The following CDH18 variants were observed in gnomAD, a reference collection of about 807,000 sequenced individuals.
CDH18 encodes cadherin 18, also known as cadherin-18.
A neutral mutation model predicts 67.9 loss-of-function variants in CDH18; 31 were observed. The ratio of observed to expected loss-of-function variants is 0.46; its 90% CI spans 0.34 to 0.62. CDH18 has a LOEUF of 0.62. CDH18 is among the 20% of genes least tolerant of loss of function. The probability of loss-of-function intolerance (pLI) is 0.01; values close to 1 mark genes in which losing one functional copy is unlikely to be tolerated. For missense variants in CDH18, 890 were observed against 975.5 expected, an observed-to-expected ratio of 0.91 and a Z score of 1.17; for synonymous variants, 362 against 347.2, an observed-to-expected ratio of 1.04 and a Z score of -0.48.
intron 3 of CDH18, among the ~76,000 whole-genome samples, chr5:19,748,727 A>G (rs1241905555): frequency 1.3e-5 from 2 of 152,194 alleles, no homozygotes; most frequent in African/African-American, 4.8e-5. Context: ...CTGAACTCTC[A>G]GAAGACATTT....
intron 1 of CDH18, among the ~76,000 whole-genome samples, chr5:20,397,882 CAA>C (rs1196650454): frequency 6.6e-6 from 1 of 152,160 alleles, no homozygotes; most frequent in African/African-American, 2.4e-5. Context: ...ACATTTTCAA[CAA>C]AGTGAAATGT....
intron 1 of CDH18, among the ~76,000 whole-genome samples, chr5:20,356,850 TAC>T (rs150094735): frequency 2.4e-4 from 36 of 148,404 alleles, no homozygotes; most frequent in African/African-American, 9.0e-4. Context: ...CACATATATA[TAC>T]ACACACATAC....
In CDH18 at chr5:19,721,340, C is replaced by T. The variant is rs535210030; in HGVS notation, c.643+7G>A. ...CTTGCATGCGAGTTATGTGTAAATGCACTAACCTGTTTTAGGGTCGACGGA... is the reference window on the plus strand; with the variant it reads ...CTTGCATGCGAGTTATGTGTAAATGTACTAACCTGTTTTAGGGTCGACGGA... On this transcript the variant is annotated splice_region_variant and intron_variant, in intron 5 of 12. Transcript: ENST00000382275. 1.0e-5 allele frequency: 16 copies of T among 1,589,154 alleles called. No homozygotes were observed. The African/African-American group carries it at 1.2e-4, about 12-fold the overall frequency.
chr5:19,792,691 C>T (rs1219023796), intron 3 of CDH18, among the ~76,000 whole-genome samples: 1 of 152,084 alleles, frequency 6.6e-6, no homozygotes, highest in African/African-American at 2.4e-5. Flanking sequence ...TGCACCAAAG[C>T]AATCTGACCC....
At chr5:19,856,798 G>T (rs1784334372) in intron 2 of CDH18, among the ~76,000 whole-genome samples, 1 of 152,136 alleles carries the variant, frequency 6.6e-6, no homozygotes, top group Admixed American at 6.6e-5. Flanking sequence ...TTCAAGCACT[G>T]CGAGAAAATA....
intron 1 of CDH18, among the ~76,000 whole-genome samples, chr5:20,307,154 TAGAGAG>T (rs112737059): frequency 0.037 from 5,687 of 152,154 alleles, 263 homozygotes; most frequent in African/African-American, 0.11. Context: ...CATGGCAACT[TAGAGAG>T]AGAGAAAGCC....
chr5:19,648,815 T>G (rs1755163595), intron 5 of CDH18, among the ~76,000 whole-genome samples: 1 of 151,408 alleles, frequency 6.6e-6, no homozygotes, highest in Non-Finnish European at 1.5e-5. Context: ...GTACATTAAA[T>G]TTTGTATATG....
At chr5:19,931,316 T>C (rs910823438) in intron 2 of CDH18, among the ~76,000 whole-genome samples, 1 of 151,990 alleles carries the variant, frequency 6.6e-6, no homozygotes, top group Non-Finnish European at 1.5e-5. Flanking sequence ...CTAACACATA[T>C]CTACAGCTAA....
chr5:20,029,072 A>G (rs955015725), intron 2 of CDH18, among the ~76,000 whole-genome samples: 1 of 152,178 alleles, frequency 6.6e-6, no homozygotes, highest in African/African-American at 2.4e-5. Context: ...TTTTTGTATG[A>G]CAGCCAATTA....
At chr5:20,042,051 A>C (rs1580106582) in intron 2 of CDH18, among the ~76,000 whole-genome samples, 1 of 152,242 alleles carries the variant, frequency 6.6e-6, no homozygotes, top group African/African-American at 2.4e-5. Flanking sequence ...ATATGAGTGA[A>C]GCTGTGAGTT....
chr5:20,015,596 C>G (rs769840660), intron 2 of CDH18, among the ~76,000 whole-genome samples: 1 of 152,100 alleles, frequency 6.6e-6, no homozygotes, highest in Non-Finnish European at 1.5e-5. Flanking sequence ...TTTTTGTACA[C>G]CTATTTAATT....
intron 1 of CDH18, among the ~76,000 whole-genome samples, chr5:20,355,252 C>T (rs112287684): frequency 0.021 from 3,271 of 152,314 alleles, 81 homozygotes; most frequent in African/African-American, 0.056. Flanking sequence ...GGCAGTATGG[C>T]TCTCCCTACA....
At chr5:20,416,868 A>G (rs1483555837) in intron 1 of CDH18, among the ~76,000 whole-genome samples, 2 of 152,268 alleles carry the variant, frequency 1.3e-5, no homozygotes, top group East Asian at 3.9e-4. Context: ...CAGTAAAAAG[A>G]GCCAGATTAT....
intron 6 of CDH18, among the ~76,000 whole-genome samples, chr5:19,596,141 C>T (rs149111544): frequency 0.018 from 2,746 of 152,266 alleles, 50 homozygotes; most frequent in Non-Finnish European, 0.025. Flanking sequence ...TAGAAAATAA[C>T]TTTCATCTCT....
chr5:19,950,511 C>G (rs771698335), intron 2 of CDH18, among the ~76,000 whole-genome samples: 6 of 151,854 alleles, frequency 4.0e-5, no homozygotes, highest in Non-Finnish European at 7.4e-5. Flanking sequence ...TTCTGCAAAA[C>G]CTATTGAAAT....
intron 3 of CDH18, among the ~76,000 whole-genome samples, chr5:19,818,918 C>G (rs1423557178): frequency 2.0e-5 from 3 of 151,998 alleles, no homozygotes; most frequent in South Asian, 4.1e-4. Flanking sequence ...CGTAATCCTT[C>G]AATTATTTTA....
chr5:20,157,011 T>C (rs187278554), intron 2 of CDH18, among the ~76,000 whole-genome samples: 1 of 152,222 alleles, frequency 6.6e-6, no homozygotes, highest in East Asian at 1.9e-4. Flanking sequence ...TATAATCGTT[T>C]TTTGACCTGA....
chr5:19,737,773 T>C (rs1005944640), intron 4 of CDH18, among the ~76,000 whole-genome samples: 1 of 152,218 alleles, frequency 6.6e-6, no homozygotes. Context: ...TTTCAACTTA[T>C]AAAATGATAC....
chr5:20,488,279 C>G (rs1332784872), intron 1 of CDH18, among the ~76,000 whole-genome samples: 1 of 152,080 alleles, frequency 6.6e-6, no homozygotes, highest in Admixed American at 6.6e-5. Flanking sequence ...TCCATACATA[C>G]ACATATGCAA....
Sources: allele counts gnomAD v4.1 joint callset (sites outside exome capture counted in the v4.1 genomes callset), GRCh38; gene constraint gnomAD v4.1.1; transcripts MANE v1.5; gene names NCBI Gene and HGNC (gene_info 2026-07-23, HGNC 2026-07-21).